The following GPHN variants were observed in gnomAD, a reference collection of about 807,000 sequenced individuals.
GPHN encodes the protein gephyrin.
GPHN carries 17 observed loss-of-function variants against 95.5 expected under a neutral mutation model. The ratio of observed to expected loss-of-function variants is 0.18; its 90% CI spans 0.12 to 0.27. The LOEUF (loss-of-function observed/expected upper bound fraction) is 0.27, where lower values mean the gene tolerates loss of function less well. Ranked by LOEUF, GPHN falls within the 10% of genes least tolerant of loss-of-function variation. The pLI, the probability that GPHN is intolerant of heterozygous loss-of-function variation, is 1.00. For missense variants in GPHN, 660 were observed against 978.1 expected (o/e 0.67, Z 4.34); for synonymous variants, 320 against 322.5 (o/e 0.99, Z 0.08).
chr14:66,715,925 T>C (rs1017823979), intron 2 of GPHN, among the ~76,000 whole-genome samples: 1 of 152,064 alleles, frequency 6.6e-6, no homozygotes, highest in African/African-American at 2.4e-5. Context: ...TTGGAGAAAG[T>C]TCCATGTGCT....
intron 2 of GPHN, among the ~76,000 whole-genome samples, chr14:66,701,471 G>T (rs1230952280): frequency 1.3e-5 from 2 of 152,142 alleles, no homozygotes; most frequent in African/African-American, 4.8e-5. Flanking sequence ...AGGTATTCAG[G>T]CTGTCTAATC....
At chr14:66,811,446 T>C (rs898478672) in intron 3 of GPHN, among the ~76,000 whole-genome samples, 6 of 152,062 alleles carry the variant, frequency 3.9e-5, no homozygotes, top group Admixed American at 1.3e-4. Context: ...GATTTTTAAA[T>C]TTCCTTATAC....
the GPHN span, among the ~76,000 whole-genome samples, chr14:67,535,407 G>A: frequency 9.0e-6 from 1 of 110,860 alleles, no homozygotes; most frequent in Non-Finnish European, 1.7e-5. Context: ...TTGAGCCAGA[G>A]TCTCGCTCTG....
At chr14:67,153,020 TC>T (rs1298158467) in intron 18 of GPHN, among the ~76,000 whole-genome samples, 1 of 145,996 alleles carries the variant, frequency 6.8e-6, no homozygotes, top group Non-Finnish European at 1.5e-5. Context: ...AATACCAAAG[TC>T]CAGGTGCAGT....
chr14:66,615,671 A>G (rs11158638), intron 1 of GPHN, among the ~76,000 whole-genome samples: 22,669 of 151,746 alleles, frequency 0.15, 3,217 homozygotes, highest in East Asian at 0.44. Context: ...TAGGTTGCCT[A>G]TTCATTCTGA....
At chr14:67,359,235 C>T in the GPHN span, among the ~76,000 whole-genome samples, 30 of 152,216 alleles carry the variant, frequency 2.0e-4, no homozygotes, top group Non-Finnish European at 7.4e-5. Context: ...CAGTAAACTT[C>T]CCTTCTCAGA....
chr14:67,584,208 T>C, the GPHN span: 16 of 1,386,220 alleles, frequency 1.2e-5, no homozygotes, highest in African/African-American at 1.4e-5. Context: ...TTGCAGCCCC[T>C]ACCTCCATAC....
At chr14:67,207,990 C>T in the GPHN span, among the ~76,000 whole-genome samples, 7 of 152,142 alleles carry the variant, frequency 4.6e-5, no homozygotes, top group South Asian at 2.1e-4. Context: ...GCTGCAGTGG[C>T]GCAGTCCCTG....
At chr14:67,041,188 A>G (rs543883807) in intron 10 of GPHN, among the ~76,000 whole-genome samples, 4 of 152,066 alleles carry the variant, frequency 2.6e-5, no homozygotes, top group African/African-American at 4.8e-5. Flanking sequence ...CCTTATTGGT[A>G]TTTGCCCAAA....
At chr14:66,646,964 A>G (rs1250555842) in intron 1 of GPHN, among the ~76,000 whole-genome samples, 1 of 151,802 alleles carries the variant, frequency 6.6e-6, no homozygotes, top group African/African-American at 2.4e-5. Context: ...TGGCTCTATC[A>G]TGGCTCACTG....
the GPHN span, among the ~76,000 whole-genome samples, chr14:67,630,569 A>C: frequency 6.6e-6 from 1 of 152,114 alleles, no homozygotes; most frequent in Admixed American, 6.5e-5. Flanking sequence ...TAGTAAATAT[A>C]GTTTTTATGT....
chr14:67,175,625 G>A (rs2140144043), intron 21 of GPHN, among the ~76,000 whole-genome samples: 1 of 152,204 alleles, frequency 6.6e-6, no homozygotes, highest in East Asian at 1.9e-4. Context: ...AAAGTCAGTG[G>A]TAGCTTTATG....
rs199814401 is a variant in GPHN, at chr14:67,116,359, CAAA to C, written c.1626+3191_1626+3193del. Among the ~76,000 whole-genome samples, 61 of 150,578 alleles carry C rather than the reference CAAA, an allele frequency of 4.1e-4. 3 individuals carry two copies. In the East Asian group the frequency reaches 9.9e-3, roughly 25 times the overall value. On this transcript the variant is annotated intron_variant, in intron 16 of 22. Transcript: ENST00000478722. ...GGAAAAGAAAAAGGGGAAGGGGAAG[CAAA>C]AAGAAAAGAGAGAAAAGAAAAGAAA... is the stretch of plus-strand genomic sequence containing the variant.
chr14:67,112,016 G>C, intron 15 of GPHN, 97 bp downstream of exon 15: 1 of 921,424 alleles, frequency 1.1e-6, no homozygotes, highest in Non-Finnish European at 1.8e-6. Flanking sequence ...AGCCATGTCA[G>C]TTAGCCATTA....
At chr14:66,765,347 A>G (rs1296309686) in intron 2 of GPHN, among the ~76,000 whole-genome samples, 1 of 152,256 alleles carries the variant, frequency 6.6e-6, no homozygotes, top group African/African-American at 2.4e-5. Context: ...TTCTTCTGCC[A>G]TAAACACACA....
the GPHN span, chr14:67,312,645 C>T: frequency 1.9e-6 from 3 of 1,613,134 alleles, no homozygotes; most frequent in Non-Finnish European, 2.5e-6. Context: ...CAAGAAGATC[C>T]AAACTGGTGG....
At chr14:66,570,190 C>T (rs1323752338) in intron 1 of GPHN, among the ~76,000 whole-genome samples, 2 of 151,904 alleles carry the variant, frequency 1.3e-5, no homozygotes, top group Non-Finnish European at 2.9e-5. Flanking sequence ...TATCCATTCA[C>T]CCATTGATGG....
At chr14:67,405,338 A>G in the GPHN span, among the ~76,000 whole-genome samples, 1 of 152,258 alleles carries the variant, frequency 6.6e-6, no homozygotes, top group African/African-American at 2.4e-5. Flanking sequence ...GAAAAAATGA[A>G]TTTAAATTTA....
the GPHN span, among the ~76,000 whole-genome samples, chr14:67,552,270 C>T: frequency 6.6e-6 from 1 of 152,224 alleles, no homozygotes; most frequent in East Asian, 1.9e-4. Flanking sequence ...GACCCTGGAA[C>T]AGCCAAATAA....
Sources: gnomAD v4.1 joint callset for allele counts (sites outside exome capture counted in the v4.1 genomes callset) on GRCh38, gnomAD v4.1.1 for gene constraint, MANE v1.5 for transcripts, NCBI Gene and HGNC (gene_info 2026-07-23, HGNC 2026-07-21) for gene names.